The following ZNF724 variants were observed in gnomAD, a reference collection of about 807,000 sequenced individuals.
The protein encoded by ZNF724 is zinc finger protein 724 pseudogene.
In ZNF724, 14 loss-of-function variants were observed where a neutral mutation model predicts 29.3. The ratio of observed to expected loss-of-function variants is 0.48; its 90% CI spans 0.32 to 0.75. The LOEUF (loss-of-function observed/expected upper bound fraction) is 0.75. Ranked by LOEUF, ZNF724 falls within the 30% of genes least tolerant of loss-of-function variation. ZNF724 has a pLI of 0.04. For missense variants in ZNF724, 557 were observed against 571.2 expected, an observed-to-expected ratio of 0.98 and a Z score of 0.25; for synonymous variants, 180 against 193.6, an observed-to-expected ratio of 0.93 and a Z score of 0.58.
intron 3 of ZNF724, among the ~76,000 whole-genome samples, chr19:23,227,483 G>A (rs1222663292): frequency 6.8e-6 from 1 of 147,606 alleles, no homozygotes; most frequent in Non-Finnish European, 1.5e-5. Context: ...TTGAACCCAG[G>A]AGGTGGAGGT....
intron 3 of ZNF724, among the ~76,000 whole-genome samples, chr19:23,224,534 T>A (rs536654624): frequency 1.3e-5 from 2 of 152,152 alleles, no homozygotes; most frequent in East Asian, 3.9e-4. Context: ...AATTTATAAA[T>A]GAGTTAAGTG....
In ZNF724 at chr19:23,223,798, T is replaced by C. The variant is rs1239181603; in HGVS notation, c.447A>G (p.Lys149=). ...TTQSKIFQCD[K]YVKDFHKFSN... is the part of the protein sequence containing the mutation. ...AAAATTTATGAAAGTCTTTCACATA[T>C]TTATCACACTGAAATATTTTGCTCT... The change falls in exon 4 of 4, where the codon AAA becomes AAG. Residue 149 remains lysine (K), a synonymous_variant. Coordinates refer to ENST00000418100, the MANE Select transcript of ZNF724 (RefSeq NM_001355404.2). The C allele has an allele frequency of 9.0e-6, 7 of 777,150 alleles. No homozygotes were observed. Among genetic ancestry groups the C allele is most frequent in the Non-Finnish European group, 1.4e-5 (6 of 416,334 alleles). 48.1% of individuals were successfully genotyped at this position (777,150 alleles called of 1,614,324 possible).
chr19:23,234,143 T>A lies in ZNF724; in HGVS notation c.4-1850A>T, dbSNP rs192002862. Reference sequence around the variant, plus strand: ...CCAAACCCAAACAGAACAGGCCCTGTGACCATCCTTCAGTGGAAAAGTAAA... The same window carrying A: ...CCAAACCCAAACAGAACAGGCCCTGAGACCATCCTTCAGTGGAAAAGTAAA... On this transcript the variant is annotated intron_variant, in intron 1 of 3. Transcript: ENST00000418100. 5.5e-4 allele frequency among the ~76,000 whole-genome samples: 84 copies of A among 152,344 alleles called. 1 individual carries two copies. The East Asian group carries it at 0.015, about 27-fold the overall frequency.
At chr19:23,241,184 C>G (rs1241023724) in intron 1 of ZNF724, among the ~76,000 whole-genome samples, 1 of 152,004 alleles carries the variant, frequency 6.6e-6, no homozygotes, top group East Asian at 1.9e-4. Context: ...TCTAGACAAA[C>G]AAATTCTCTC....
intron 3 of ZNF724, among the ~76,000 whole-genome samples, chr19:23,228,560 G>A (rs913622026): frequency 6.6e-6 from 1 of 151,998 alleles, no homozygotes; most frequent in Non-Finnish European, 1.5e-5. Context: ...TTCGAGACCA[G>A]CCTGGCCAAC....
At chr19:23,241,553 A>G (rs766514684) in intron 1 of ZNF724, among the ~76,000 whole-genome samples, 2 of 152,196 alleles carry the variant, frequency 1.3e-5, no homozygotes, top group Non-Finnish European at 2.9e-5. Context: ...TACTATAACC[A>G]AGTAGGCTTT....
intron 1 of ZNF724, among the ~76,000 whole-genome samples, chr19:23,234,125 C>T (rs1373110351): frequency 6.6e-6 from 1 of 152,280 alleles, no homozygotes; most frequent in East Asian, 1.9e-4. Flanking sequence ...TTACCAAACC[C>T]AAACAGAACA....
intron 1 of ZNF724, among the ~76,000 whole-genome samples, chr19:23,247,332 C>G (rs1424323447): frequency 6.6e-6 from 1 of 152,016 alleles, no homozygotes; most frequent in Non-Finnish European, 1.5e-5. Flanking sequence ...TTTTTTGAAA[C>G]CTGTCTATTT....
At chr19:23,245,126 A>G (rs1972213572) in intron 1 of ZNF724, among the ~76,000 whole-genome samples, 1 of 152,194 alleles carries the variant, frequency 6.6e-6, no homozygotes, top group African/African-American at 2.4e-5. Context: ...TTTCTTACCT[A>G]TCACATAGCC....
chr19:23,224,394 C>G (rs1220019723), intron 3 of ZNF724, among the ~76,000 whole-genome samples: 1 of 152,056 alleles, frequency 6.6e-6, no homozygotes, highest in Non-Finnish European at 1.5e-5. Flanking sequence ...CGCTGGAGAA[C>G]AGAGCAAGAC....
chr19:23,249,841 A>G (rs957563356), intron 1 of ZNF724, among the ~76,000 whole-genome samples: 2 of 152,062 alleles, frequency 1.3e-5, no homozygotes, highest in African/African-American at 4.8e-5. Context: ...GCCTGCCATA[A>G]ATTTTTAATA....
At chr19:23,226,891 T>C (rs1971838553) in intron 3 of ZNF724, among the ~76,000 whole-genome samples, 1 of 152,140 alleles carries the variant, frequency 6.6e-6, no homozygotes, top group African/African-American at 2.4e-5. Flanking sequence ...AATTTTAATA[T>C]GTAAGTAAAA....
At chr19:23,229,819 C>T (rs1048279627) in intron 3 of ZNF724, among the ~76,000 whole-genome samples, 1 of 152,098 alleles carries the variant, frequency 6.6e-6, no homozygotes, top group African/African-American at 2.4e-5. Context: ...TCTTGAAATT[C>T]ACAGACACCA....
chr19:23,227,939 G>C (rs1055497180), intron 3 of ZNF724, among the ~76,000 whole-genome samples: 2 of 151,994 alleles, frequency 1.3e-5, no homozygotes, highest in Admixed American at 1.3e-4. Flanking sequence ...TAGTTTGACG[G>C]AAAAATAAAA....
rs1162396141 is a variant in ZNF724 at position 23,250,317 on chromosome 19, G to A, written c.-75C>T. ...TGCTTGCAGGTCAGAGGGCCACAGA[G>A]GCTGGGCCTCTAAGAGCAGGGGACA... On this transcript the variant is annotated 5_prime_UTR_variant, in exon 1 of 4. Transcript: ENST00000418100. 1.1e-5 allele frequency: 6 copies of A among 562,224 alleles called. No homozygotes were observed. Among genetic ancestry groups the A allele is most frequent in the East Asian group, 1.0e-4 (2 of 19,706 alleles). The allele number at this position is 562,224 out of a possible 1,614,324, so 34.8% of individuals were successfully genotyped here. A position where few individuals can be genotyped will look rare whatever the true frequency, so the allele number is the denominator to read the frequency against.
In ZNF724 at chr19:23,231,371, T is replaced by C. The variant is rs1269335444; in HGVS notation, c.131-10A>G. The C allele has an allele frequency of 7.5e-7, 1 of 1,331,060 alleles. No homozygotes were observed. The highest frequency in any genetic ancestry group is 2.4e-5 in the East Asian group (1 of 42,546). 82.5% of individuals were successfully genotyped at this position (1,331,060 alleles called of 1,614,324 possible). A position where few individuals can be genotyped will look rare whatever the true frequency, so the allele number is the denominator to read the frequency against. The stretch of plus-strand genomic sequence containing the variant: ...TTAGAGACAGCAATACCTGTTTTAT[T>C]AAAAATAAATAACATGAATGTTGCT... On this transcript the variant is annotated splice_polypyrimidine_tract_variant and intron_variant, in intron 2 of 3. Coordinates refer to ENST00000418100, the MANE Select transcript of ZNF724 (RefSeq NM_001355404.2).
chr19:23,227,657 A>G (rs1316831866), intron 3 of ZNF724, among the ~76,000 whole-genome samples: 4 of 152,040 alleles, frequency 2.6e-5, no homozygotes, highest in Non-Finnish European at 5.9e-5. Context: ...CTGATATATA[A>G]AACAAATATT....
chr19:23,248,852 G>A (rs1972292428), intron 1 of ZNF724, among the ~76,000 whole-genome samples: 1 of 151,866 alleles, frequency 6.6e-6, no homozygotes, highest in African/African-American at 2.4e-5. Flanking sequence ...AAAATTAGCC[G>A]GGCATGGTGG....
Position 23,223,101 on chromosome 19 carries a change from TAA to T in ZNF724, c.1142_1143del (p.Leu381HisfsTer4), listed in dbSNP as rs1971752121. 2 of 1,260,364 alleles carry T rather than the reference TAA, an allele frequency of 1.6e-6. No homozygotes were observed. The highest frequency in any genetic ancestry group is 2.9e-5 in the African/African-American group (2 of 68,200). The allele number at this position is 1,260,364 out of a possible 1,614,324, so 78.1% of individuals were successfully genotyped here. On this transcript the variant is annotated frameshift_variant, in exon 4 of 4. Transcript: ENST00000418100. LOFTEE classifies it high-confidence loss of function. The part of the protein sequence containing the change: ...CGKAFNVSST[L>X]TQHKRIHTGE... ...CCAGTATGAATTCTCTTATGTTGAG[TAA>T]GAGTTGAGGACACGTTAAAGGCTTT...
Sources: allele counts gnomAD v4.1 joint callset (sites outside exome capture counted in the v4.1 genomes callset), GRCh38; gene constraint gnomAD v4.1.1; transcripts MANE v1.5; gene names NCBI Gene and HGNC (gene_info 2026-07-23, HGNC 2026-07-21).